Variants in NAV2 observed in about 807,000 individuals in gnomAD.
NAV2 encodes neuron navigator 2.
NAV2 carries 54 observed loss-of-function variants against 223.2 expected under a neutral mutation model. That is an observed-to-expected ratio of 0.24 (90% CI 0.19 to 0.30). The LOEUF is 0.30. Among genes scored for constraint, NAV2 ranks in the 10% least tolerant of loss-of-function variants. NAV2 has a pLI of 1.00. For synonymous variants in NAV2, 1,279 were observed against 1,239.3 expected, an observed-to-expected ratio of 1.03 and a Z score of -0.67; for missense variants, 2,806 against 3,147.5, an observed-to-expected ratio of 0.89 and a Z score of 2.60.
At chr11:19,529,653 G>T (rs955179815) in intron 1 of NAV2, among the ~76,000 whole-genome samples, 1 of 152,214 alleles carries the variant, frequency 6.6e-6, no homozygotes. Context: ...GGGACCACTG[G>T]AGCACCAGCA....
chr11:19,730,882 A>G (rs1440615945), intron 1 of NAV2, among the ~76,000 whole-genome samples: 1 of 152,250 alleles, frequency 6.6e-6, no homozygotes, highest in Non-Finnish European at 1.5e-5. Context: ...GCTAACATGC[A>G]GCATGCCCAG....
intron 1 of NAV2, among the ~76,000 whole-genome samples, chr11:19,410,385 AC>A (rs977395022): frequency 2.0e-5 from 3 of 152,202 alleles, no homozygotes; most frequent in African/African-American, 7.2e-5. Context: ...TAAGCACTTT[AC>A]AAATATGAAT....
the NAV2 span, among the ~76,000 whole-genome samples, chr11:19,345,486 G>A: frequency 6.6e-6 from 1 of 152,210 alleles, no homozygotes; most frequent in African/African-American, 2.4e-5. The surrounding 1 kb of genome is among the most constrained non-coding windows in gnomAD (Gnocchi z 5.2). Context: ...TTGGGGAGAG[G>A]GCCGGCCCCT....
chr11:19,879,345 C>T (rs1407312073), intron 4 of NAV2, among the ~76,000 whole-genome samples: 1 of 152,136 alleles, frequency 6.6e-6, no homozygotes, highest in African/African-American at 2.4e-5. Flanking sequence ...CTATACCCAC[C>T]CCAAATTAGA....
chr11:19,985,597 GAC>G (rs1290364519), intron 11 of NAV2, among the ~76,000 whole-genome samples: 2 of 151,088 alleles, frequency 1.3e-5, no homozygotes, highest in East Asian at 3.9e-4. Context: ...TTGTTTTTGA[GAC>G]AGAGTCTCAC....
At chr11:20,079,981 G>A in intron 24 of NAV2, 83 bp from the exon 25 acceptor site, 4 of 1,526,642 alleles carry the variant, frequency 2.6e-6, no homozygotes, top group Non-Finnish European at 3.6e-6. Flanking sequence ...CAGGTGGGTG[G>A]GTTTTGCTTA....
intron 6 of NAV2, among the ~76,000 whole-genome samples, chr11:19,893,203 T>C (rs866761550): frequency 6.6e-6 from 1 of 151,954 alleles, no homozygotes; most frequent in South Asian, 2.1e-4. Flanking sequence ...AAATAGTGAA[T>C]AGTCCCATGG....
intron 1 of NAV2, among the ~76,000 whole-genome samples, chr11:19,576,880 T>A (rs1403574321): frequency 1.3e-5 from 2 of 152,170 alleles, no homozygotes; most frequent in Non-Finnish European, 2.9e-5. Flanking sequence ...TGGGAAGGTG[T>A]CCTGGGGTCC....
At chr11:19,710,516 T>G (rs1228336014), upstream of NAV2, among the ~76,000 whole-genome samples, 3 of 152,262 alleles carry the variant, frequency 2.0e-5, no homozygotes, top group Non-Finnish European at 4.4e-5. Flanking sequence ...TTGAACACTG[T>G]TGAAACACAG....
chr11:19,437,820 A>G (rs1273184252), intron 1 of NAV2, among the ~76,000 whole-genome samples: 2 of 152,216 alleles, frequency 1.3e-5, no homozygotes, highest in South Asian at 2.1e-4. Context: ...TTTCTATCAT[A>G]TAACTATTGT....
chr11:20,046,040 T>C (rs973915501), intron 14 of NAV2, among the ~76,000 whole-genome samples: 3 of 152,196 alleles, frequency 2.0e-5, no homozygotes, highest in Non-Finnish European at 2.9e-5. Context: ...ATGCACTCAA[T>C]AGAAGTTAGC....
chr11:19,828,101 C>G (rs937448711), intron 1 of NAV2, among the ~76,000 whole-genome samples: 1 of 152,130 alleles, frequency 6.6e-6, no homozygotes, highest in Admixed American at 6.5e-5. Flanking sequence ...CTGCAGTGAG[C>G]TTTGATTACC....
chr11:19,725,322 C>T (rs530235198), intron 1 of NAV2, among the ~76,000 whole-genome samples: 1 of 152,322 alleles, frequency 6.6e-6, no homozygotes, highest in Non-Finnish European at 1.5e-5. Context: ...GGTCCTCCCT[C>T]AGTGCTGCCG....
At chr11:20,042,060 C>G (rs537968006) in intron 12 of NAV2, among the ~76,000 whole-genome samples, 138 of 152,266 alleles carry the variant, frequency 9.1e-4, no homozygotes, top group African/African-American at 3.2e-3. Context: ...AGTCTTATCC[C>G]CAGATTCTCT....
At chr11:20,034,260 CT>C (rs535739663) in intron 11 of NAV2, among the ~76,000 whole-genome samples, 116 of 151,508 alleles carry the variant, frequency 7.7e-4, no homozygotes, top group African/African-American at 2.6e-3. Context: ...CCCTTTTCCC[CT>C]ATAGGTCAAT....
chr11:19,612,986 G>C (rs2046686550), intron 1 of NAV2, among the ~76,000 whole-genome samples: 1 of 152,200 alleles, frequency 6.6e-6, no homozygotes, highest in African/African-American at 2.4e-5. Context: ...GGAGGCCTCA[G>C]AATCATCCCG....
chr11:19,612,623 G>T (rs2046676621), intron 1 of NAV2, among the ~76,000 whole-genome samples: 1 of 152,170 alleles, frequency 6.6e-6, no homozygotes, highest in Non-Finnish European at 1.5e-5. Flanking sequence ...CATAACAAGA[G>T]TTGCCTTTAC....
intron 10 of NAV2, among the ~76,000 whole-genome samples, chr11:19,959,127 A>C (rs2048142157): frequency 6.6e-6 from 1 of 152,154 alleles, no homozygotes; most frequent in South Asian, 2.1e-4. Flanking sequence ...GTCATTTCCT[A>C]GCTTTCCCTC....
chr11:19,597,926 A>G (rs1391650276), intron 1 of NAV2, among the ~76,000 whole-genome samples: 1 of 152,232 alleles, frequency 6.6e-6, no homozygotes, highest in Non-Finnish European at 1.5e-5. Context: ...AGCTAAGGAC[A>G]GGGATGGGGC....
Sources: allele counts gnomAD v4.1 joint callset (sites outside exome capture counted in the v4.1 genomes callset), GRCh38; gene constraint gnomAD v4.1.1; non-coding constraint Gnocchi (gnomAD v3.1); transcripts MANE v1.5; gene names NCBI Gene and HGNC (gene_info 2026-07-23, HGNC 2026-07-21).